NAP1L4: variants seen among roughly 807,000 people sequenced by gnomAD.
NAP1L4 encodes the protein nucleosome assembly protein 1-like 4.
In NAP1L4, 15 loss-of-function variants were observed where a neutral mutation model predicts 58.2. That is an observed-to-expected ratio of 0.26 (90% CI 0.17 to 0.40). The LOEUF (loss-of-function observed/expected upper bound fraction) is 0.40, where lower values mean the gene tolerates loss of function less well. Ranked by LOEUF, NAP1L4 falls within the 10% of genes least tolerant of loss-of-function variation. NAP1L4 has a pLI of 1.00. For synonymous variants in NAP1L4, 171 were observed against 155.6 expected, an observed-to-expected ratio of 1.10 and a Z score of -0.74; for missense variants, 384 against 451.1, an observed-to-expected ratio of 0.85 and a Z score of 1.35.
intron 8 of NAP1L4, among the ~76,000 whole-genome samples, chr11:2,964,172 T>C (rs1470538139): frequency 1.3e-5 from 2 of 152,172 alleles, no homozygotes; most frequent in Non-Finnish European, 2.9e-5. Context: ...TCTGAATAAG[T>C]GCTGATCATT....
At chr11:2,970,364 A>T (rs911866401) in intron 6 of NAP1L4, among the ~76,000 whole-genome samples, 13 of 152,146 alleles carry the variant, frequency 8.5e-5, no homozygotes, top group African/African-American at 2.4e-4. Context: ...AAGGATAAAG[A>T]AGTTCACTTG....
Position 2,945,546 on chromosome 11 carries a change from G to A in NAP1L4, c.*133C>T, listed in dbSNP as rs1268757533. The A allele has an allele frequency of 4.8e-6, 7 of 1,444,516 alleles. No homozygotes were observed. The highest frequency in any genetic ancestry group is 2.0e-5 in the Admixed American group (1 of 49,866). The allele number at this position is 1,444,516 out of a possible 1,614,324, so 89.5% of individuals were successfully genotyped here. A position where few individuals can be genotyped will look rare whatever the true frequency, so the allele number is the denominator to read the frequency against. Reference sequence around the variant, plus strand: ...ACGGGATTGTGCTGCGGCAAGGACCGAGGCCCCGCCCACAGGCCTGGAGTC... The same window carrying A: ...ACGGGATTGTGCTGCGGCAAGGACCAAGGCCCCGCCCACAGGCCTGGAGTC... On this transcript the variant is annotated 3_prime_UTR_variant, in exon 16 of 16. Coordinates refer to ENST00000380542, the MANE Select transcript of NAP1L4 (RefSeq NM_005969.4).
At chr11:2,974,285 C>T (rs999714776) in intron 4 of NAP1L4, among the ~76,000 whole-genome samples, 3 of 152,148 alleles carry the variant, frequency 2.0e-5, no homozygotes, top group Non-Finnish European at 4.4e-5. Flanking sequence ...AGTGTGCCCC[C>T]AACAGTCCTT....
intron 1 of NAP1L4, among the ~76,000 whole-genome samples, chr11:2,981,146 G>A (rs982463166): frequency 1.3e-5 from 2 of 151,762 alleles, no homozygotes; most frequent in Middle Eastern, 3.2e-3. Context: ...GCTGAGGCAG[G>A]AGAATCGCTC....
chr11:2,959,853 C>A lies in NAP1L4; in HGVS notation c.663G>T (p.Leu221=). 1.2e-6 allele frequency: 2 copies of A among 1,614,164 alleles called. No individual in the cohort carries two copies. The highest frequency in any genetic ancestry group is 1.7e-6 in the Non-Finnish European group (2 of 1,180,032). Residue 221 remains leucine (L), a synonymous_variant, in exon 9 of 16, where the codon CTG becomes CTT. Transcript: ENST00000380542. The surrounding 1 kb of genome is among the most constrained non-coding windows in gnomAD (Gnocchi z 4.9). ...EPNDYFTNSV[L]TKTYKMKSEP... is the part of the protein sequence containing the mutation. ...CTGATTTCATCTTGTAGGTTTTTGTCAGGACTGAGTTGGTAAAGTAGTCGT... is the reference window on the plus strand; with the variant it reads ...CTGATTTCATCTTGTAGGTTTTTGTAAGGACTGAGTTGGTAAAGTAGTCGT...
At chr11:2,950,368 A>C (rs965068580) in intron 14 of NAP1L4, among the ~76,000 whole-genome samples, 2 of 152,244 alleles carry the variant, frequency 1.3e-5, no homozygotes, top group Non-Finnish European at 2.9e-5. Context: ...GCATTCATGG[A>C]AACAGCCAGT....
intron 12 of NAP1L4, among the ~76,000 whole-genome samples, chr11:2,953,604 G>T (rs573129575): frequency 6.6e-6 from 1 of 152,232 alleles, no homozygotes; most frequent in South Asian, 2.1e-4. Context: ...CCAACCTAGG[G>T]ATGAGCCAGC....
chr11:2,951,979 G>A lies in NAP1L4; in HGVS notation c.1036-170C>T, dbSNP rs543717644. On this transcript the variant is annotated intron_variant, in intron 12 of 15. Transcript: ENST00000380542. This position sits in a 1 kb window ranked among gnomAD's most constrained non-coding sequence, Gnocchi z 4.0. The stretch of plus-strand genomic sequence containing the variant: ...GAGGAGCCATTTGCTTGTGTGCAGC[G>A]CATTTTAAAAGCATGCCAGGAAATT... The A allele has an allele frequency of 1.2e-4, 79 of 661,882 alleles. No homozygotes were observed. Among genetic ancestry groups the A allele is most frequent in the South Asian group, 4.4e-4 (25 of 56,790 alleles). The allele number at this position is 661,882 out of a possible 1,614,324, so 41.0% of individuals were successfully genotyped here.
In NAP1L4 at chr11:2,959,377, A is replaced by G. The variant is rs1334814733; in HGVS notation, c.746+393T>C. On this transcript the variant is annotated intron_variant, in intron 9 of 15. Coordinates refer to ENST00000380542, the MANE Select transcript of NAP1L4 (RefSeq NM_005969.4). This position sits in a 1 kb window ranked among gnomAD's most constrained non-coding sequence, Gnocchi z 4.9. ...TGCTGCCCCCACCTATTTCCAAAGC[A>G]ATCAGCTGATCAATATAGCCCTGGA... 1.3e-5 allele frequency among the ~76,000 whole-genome samples: 2 copies of G among 152,230 alleles called. No homozygotes were observed. The highest frequency in any genetic ancestry group is 4.8e-5 in the African/African-American group (2 of 41,468).
Position 2,949,022 on chromosome 11 carries a change from A to G in NAP1L4, c.*32+205T>C, listed in dbSNP as rs1238203930. On this transcript the variant is annotated intron_variant, in intron 15 of 15. Transcript: ENST00000380542. This position sits in a 1 kb window ranked among gnomAD's most constrained non-coding sequence, Gnocchi z 4.0. ...ACATCTTTGCTACTTGGTTAGCAAG[A>G]AACACTGGGCTCAGAAAGCAGGGAC... Among the ~76,000 whole-genome samples the G allele has an allele frequency of 2.0e-5, 3 of 152,348 alleles. No individual in the cohort carries two copies. Among genetic ancestry groups the G allele is most frequent in the Admixed American group, 2.0e-4 (3 of 15,308 alleles).
At chr11:2,972,300 CT>C in intron 4 of NAP1L4, 57 bp from the exon 5 acceptor site, 1 of 1,454,288 alleles carries the variant, frequency 6.9e-7, no homozygotes, top group Non-Finnish European at 9.2e-7. Flanking sequence ...AAGCAGCATG[CT>C]TTTCAATTTT....
intron 1 of NAP1L4, among the ~76,000 whole-genome samples, chr11:2,983,537 A>G (rs1242774118): frequency 6.6e-6 from 1 of 152,042 alleles, no homozygotes; most frequent in African/African-American, 2.4e-5. Context: ...TGTTTAATAC[A>G]ATTTTTGTTA....
chr11:2,953,260 A>G (rs1482554896), intron 12 of NAP1L4, among the ~76,000 whole-genome samples: 2 of 152,292 alleles, frequency 1.3e-5, no homozygotes, highest in Non-Finnish European at 2.9e-5. Context: ...CAGATACCGC[A>G]TATAAGTAAG....
chr11:2,961,224 C>G (rs1173941300), intron 8 of NAP1L4, among the ~76,000 whole-genome samples: 1 of 152,054 alleles, frequency 6.6e-6, no homozygotes, highest in Non-Finnish European at 1.5e-5. Flanking sequence ...AAACAACTTT[C>G]AAAGAAAGGT....
chr11:2,955,833 C>G lies in NAP1L4; in HGVS notation c.893-67G>C, dbSNP rs778520829. Reference sequence around the variant, plus strand: ...AACTCCCAGAATTTTAAAGCCCACACAGGAGGAAGCTGTGCTGGTAGATAA... The same window carrying G: ...AACTCCCAGAATTTTAAAGCCCACAGAGGAGGAAGCTGTGCTGGTAGATAA... On this transcript the variant is annotated intron_variant, in intron 10 of 15. Coordinates refer to ENST00000380542, the MANE Select transcript of NAP1L4 (RefSeq NM_005969.4). This position sits in a 1 kb window ranked among gnomAD's most constrained non-coding sequence, Gnocchi z 4.2. 7.1e-7 allele frequency: 1 copy of G among 1,416,138 alleles called. No homozygotes were observed. Among genetic ancestry groups the G allele is most frequent in the Non-Finnish European group, 9.9e-7 (1 of 1,008,940 alleles). The allele number at this position is 1,416,138 out of a possible 1,614,324, so 87.7% of individuals were successfully genotyped here. A position where few individuals can be genotyped will look rare whatever the true frequency, so the allele number is the denominator to read the frequency against.
intron 12 of NAP1L4, among the ~76,000 whole-genome samples, chr11:2,953,378 T>A (rs1846346731): frequency 6.6e-6 from 1 of 152,252 alleles, no homozygotes; most frequent in African/African-American, 2.4e-5. Context: ...GCTCACTATT[T>A]AAATTTAAAC....
intron 4 of NAP1L4, among the ~76,000 whole-genome samples, chr11:2,973,103 T>C (rs1457610898): frequency 6.6e-6 from 1 of 152,220 alleles, no homozygotes; most frequent in Non-Finnish European, 1.5e-5. Flanking sequence ...ATAATCACAC[T>C]GTCCAGGAAT....
chr11:2,977,068 C>G (rs1016745550), intron 3 of NAP1L4, among the ~76,000 whole-genome samples: 1 of 152,234 alleles, frequency 6.6e-6, no homozygotes, highest in African/African-American at 2.4e-5. Flanking sequence ...ACTGCAAACA[C>G]AACCACTAAC....
intron 8 of NAP1L4, chr11:2,963,883 G>A (rs771367527): frequency 3.3e-5 from 17 of 519,148 alleles, no homozygotes; most frequent in Non-Finnish European, 5.8e-5. Flanking sequence ...AACGGGTTAC[G>A]AACAGTGCTC....
Sources: allele counts gnomAD v4.1 joint callset (sites outside exome capture counted in the v4.1 genomes callset), GRCh38; gene constraint gnomAD v4.1.1; non-coding constraint Gnocchi (gnomAD v3.1); transcripts MANE v1.5; gene names NCBI Gene and HGNC (gene_info 2026-07-23, HGNC 2026-07-21).